SDK1: variants seen among roughly 807,000 people sequenced by gnomAD.
The protein encoded by SDK1 is protein sidekick-1.
A neutral mutation model predicts 245.5 loss-of-function variants in SDK1; 157 were observed. That is an observed-to-expected ratio of 0.64 (90% CI 0.56 to 0.73). The LOEUF (loss-of-function observed/expected upper bound fraction) is 0.73. Among genes scored for constraint, SDK1 ranks in the 30% least tolerant of loss-of-function variants. The pLI is 0.00. For missense variants in SDK1, 3,583 were observed against 3,002.3 expected (o/e 1.19, Z -4.52); for synonymous variants, 1,647 against 1,278.5 (o/e 1.29, Z -6.15).
At chr7:3,705,867 G>A (rs1251772365) in intron 4 of SDK1, among the ~76,000 whole-genome samples, 2 of 152,020 alleles carry the variant, frequency 1.3e-5, no homozygotes, top group African/African-American at 4.8e-5. Flanking sequence ...GCAGCTTTGT[G>A]CCATTCATGA....
chr7:3,471,209 G>A (rs1477702108), intron 1 of SDK1, among the ~76,000 whole-genome samples: 1 of 152,168 alleles, frequency 6.6e-6, no homozygotes, highest in Non-Finnish European at 1.5e-5. Context: ...AGAAGACTGA[G>A]TGAGGTCCAA....
At chr7:3,987,154 C>T (rs1202709702) in intron 13 of SDK1, 32 bp from the exon 14 acceptor site, 2 of 1,612,558 alleles carry the variant, frequency 1.2e-6, no homozygotes, top group East Asian at 2.2e-5. Context: ...ATGTGTTTTC[C>T]TCTTTTTCCT....
chr7:3,777,570 C>T (rs958471159), intron 4 of SDK1, among the ~76,000 whole-genome samples: 10 of 152,320 alleles, frequency 6.6e-5, no homozygotes, highest in African/African-American at 2.2e-4. Flanking sequence ...TGCCCAGCAG[C>T]AGGCTTCTAA....
At chr7:3,877,995 C>G (rs561656870) in intron 5 of SDK1, among the ~76,000 whole-genome samples, 1 of 152,318 alleles carries the variant, frequency 6.6e-6, no homozygotes, top group African/African-American at 2.4e-5. Flanking sequence ...GAGGGAATGC[C>G]TATTTTAAAT....
chr7:3,524,586 GAGAA>G (rs1783056975), intron 1 of SDK1, among the ~76,000 whole-genome samples: 1 of 152,156 alleles, frequency 6.6e-6, no homozygotes, highest in Admixed American at 6.5e-5. Context: ...AAATAAAGGA[GAGAA>G]AGAACAGACA....
intron 19 of SDK1, 25 bp downstream of exon 19, chr7:4,051,855 C>G: frequency 6.3e-7 from 1 of 1,587,894 alleles, no homozygotes; most frequent in Non-Finnish European, 8.6e-7. Context: ...CTGCGTGTCT[C>G]TTAAGTCACT....
intron 5 of SDK1, among the ~76,000 whole-genome samples, chr7:3,840,070 C>T (rs1780120078): frequency 6.6e-6 from 1 of 151,996 alleles, no homozygotes; most frequent in African/African-American, 2.4e-5. Context: ...AAAGAGTGAC[C>T]TAAAATTTTA....
chr7:3,620,436 G>A (rs1380704531), intron 2 of SDK1, among the ~76,000 whole-genome samples: 2 of 151,930 alleles, frequency 1.3e-5, no homozygotes, highest in African/African-American at 2.4e-5. Context: ...CCAAGTAGCT[G>A]GTTCTACAGG....
chr7:4,130,277 C>A, intron 27 of SDK1, 180 bp downstream of exon 27: 1 of 653,270 alleles, frequency 1.5e-6, no homozygotes, highest in South Asian at 2.0e-5. Context: ...CAATTTCAGC[C>A]TGGAGTGGAT....
At position 4,170,383 on chromosome 7, in the gene SDK1, G is replaced by A. The variant is rs545850845; in HGVS notation, c.4801-3839G>A. Among the ~76,000 whole-genome samples the A allele has an allele frequency of 3.3e-5, 5 of 152,194 alleles. No homozygotes were observed. The South Asian group carries it at 1.0e-3, about 32-fold the overall frequency. ...GATCGCTTGAGCCCAGGAGGTCGAG[G>A]CTGCAGTGAGCTCTGATCGCACCCC... On this transcript the variant is annotated intron_variant, in intron 32 of 44. Coordinates refer to ENST00000404826, the MANE Select transcript of SDK1 (RefSeq NM_152744.4).
intron 28 of SDK1, among the ~76,000 whole-genome samples, chr7:4,139,898 A>T (rs528123178): frequency 2.6e-5 from 4 of 152,158 alleles, no homozygotes; most frequent in Non-Finnish European, 5.9e-5. Flanking sequence ...AGGCAGGGAG[A>T]GTCCATCGAT....
chr7:3,329,857 C>T (rs1363128743), intron 1 of SDK1, among the ~76,000 whole-genome samples: 1 of 152,146 alleles, frequency 6.6e-6, no homozygotes, highest in Non-Finnish European at 1.5e-5. Flanking sequence ...AGCATTTATA[C>T]TTTATTAGGT....
intron 1 of SDK1, among the ~76,000 whole-genome samples, chr7:3,517,011 T>C (rs1782776901): frequency 1.3e-5 from 2 of 152,200 alleles, no homozygotes; most frequent in African/African-American, 2.4e-5. Context: ...TATTGTGTTA[T>C]CTCAGAAGAT....
intron 4 of SDK1, among the ~76,000 whole-genome samples, chr7:3,668,003 A>G (rs1217081120): frequency 6.6e-6 from 1 of 152,120 alleles, no homozygotes; most frequent in Non-Finnish European, 1.5e-5. Context: ...ATTTAACTTT[A>G]TAAGAAACTT....
At chr7:4,099,226 T>C (rs543823371) in intron 22 of SDK1, among the ~76,000 whole-genome samples, 1 of 151,594 alleles carries the variant, frequency 6.6e-6, no homozygotes, top group Non-Finnish European at 1.5e-5. Flanking sequence ...TTTTAAAGTA[T>C]AGATCTTATT....
chr7:3,824,929 C>T (rs950635858), intron 5 of SDK1, among the ~76,000 whole-genome samples: 2 of 152,142 alleles, frequency 1.3e-5, no homozygotes, highest in African/African-American at 4.8e-5. Context: ...CCAGCATGTT[C>T]TGAACCGATA....
intron 20 of SDK1, among the ~76,000 whole-genome samples, chr7:4,074,903 TATATATA>T (rs1780545657): frequency 3.5e-5 from 3 of 85,482 alleles, no homozygotes; most frequent in African/African-American, 1.4e-4. Flanking sequence ...TATATATATA[TATATATA>T]TATATATTTT....
At chr7:4,040,463 C>T (rs1417989604) in intron 17 of SDK1, among the ~76,000 whole-genome samples, 1 of 149,684 alleles carries the variant, frequency 6.7e-6, no homozygotes, top group East Asian at 2.0e-4. Context: ...TGTTGTCTCA[C>T]GCTGACGAAA....
chr7:4,266,097 G>C lies in SDK1; in HGVS notation c.*713G>C, dbSNP rs771137823. On this transcript the variant is annotated 3_prime_UTR_variant, in exon 45 of 45. Transcript: ENST00000404826. Reference sequence around the variant, plus strand: ...TCCCCCTTCCTTCTCACCTGACAGCGAGGGAGAGGGAAGCCTCTTAGGGCT... The same window carrying C: ...TCCCCCTTCCTTCTCACCTGACAGCCAGGGAGAGGGAAGCCTCTTAGGGCT... 3.0e-6 allele frequency: 3 copies of C among 985,432 alleles called. No homozygotes were observed. The highest frequency in any genetic ancestry group is 3.6e-6 in the Non-Finnish European group (3 of 829,958). The allele number at this position is 985,432 out of a possible 1,614,324, so 61.0% of individuals were successfully genotyped here.
Sources: allele counts gnomAD v4.1 joint callset (sites outside exome capture counted in the v4.1 genomes callset), GRCh38; gene constraint gnomAD v4.1.1; transcripts MANE v1.5; gene names NCBI Gene and HGNC (gene_info 2026-07-23, HGNC 2026-07-21).